MTPN: variants seen among roughly 807,000 people sequenced by gnomAD.
The protein encoded by MTPN is granule cell differentiation protein.
MTPN carries 2 observed loss-of-function variants against 13.5 expected under a neutral mutation model. The observed-to-expected ratio is 0.15, with a 90% CI of 0.06 to 0.47. The LOEUF (loss-of-function observed/expected upper bound fraction) is 0.47. MTPN is among the 20% of genes least tolerant of loss of function. The pLI, the probability that MTPN is intolerant of heterozygous loss-of-function variation, is 0.97. For missense variants in MTPN, 79 were observed against 137.9 expected (o/e 0.57, Z 2.14); for synonymous variants, 46 against 51.7 (o/e 0.89, Z 0.48).
intron 1 of MTPN, among the ~76,000 whole-genome samples, chr7:135,953,703 G>A (rs1029559116): frequency 6.6e-6 from 1 of 152,108 alleles, no homozygotes; most frequent in African/African-American, 2.4e-5. Context: ...AAGCATTAAG[G>A]GAACTAAATT....
At chr7:135,933,903 TAG>T (rs1249232268) in intron 3 of MTPN, among the ~76,000 whole-genome samples, 12 of 150,548 alleles carry the variant, frequency 8.0e-5, no homozygotes, top group Non-Finnish European at 1.5e-4. Context: ...TGTGATAGAG[TAG>T]AGTTCTCATG....
chr7:135,933,849 G>A (rs890237096), intron 3 of MTPN, among the ~76,000 whole-genome samples: 6 of 152,050 alleles, frequency 3.9e-5, no homozygotes, highest in Non-Finnish European at 7.4e-5. Flanking sequence ...CTGGATCACG[G>A]GTGCTAATGG....
At chr7:135,931,603 C>T (rs368584113) in intron 3 of MTPN, among the ~76,000 whole-genome samples, 4 of 152,110 alleles carry the variant, frequency 2.6e-5, no homozygotes, top group East Asian at 1.9e-4. Context: ...CTGTGAGTCC[C>T]GCCACAATGG....
intron 1 of MTPN, among the ~76,000 whole-genome samples, chr7:135,976,372 CTA>C (rs1799773197): frequency 6.6e-6 from 1 of 152,202 alleles, no homozygotes; most frequent in African/African-American, 2.4e-5. Context: ...TGTTTAAAAA[CTA>C]TTCAGATACC....
At chr7:135,942,105 T>G (rs982802882) in intron 3 of MTPN, among the ~76,000 whole-genome samples, 6 of 151,986 alleles carry the variant, frequency 3.9e-5, no homozygotes, top group Non-Finnish European at 7.4e-5. Flanking sequence ...GCCAGGCTGG[T>G]CTCGAACTCC....
intron 3 of MTPN, among the ~76,000 whole-genome samples, chr7:135,938,833 A>C (rs1389807036): frequency 6.6e-6 from 1 of 152,206 alleles, no homozygotes; most frequent in African/African-American, 2.4e-5. Context: ...CAATTAACCA[A>C]AACTTCAACA....
intron 1 of MTPN, among the ~76,000 whole-genome samples, chr7:135,967,585 A>G (rs957794052): frequency 6.6e-6 from 1 of 152,160 alleles, no homozygotes; most frequent in Admixed American, 6.5e-5. Flanking sequence ...CCTTATCTAT[A>G]AAATAAGGGA....
intron 1 of MTPN, among the ~76,000 whole-genome samples, chr7:135,968,288 T>C (rs1799636531): frequency 6.6e-6 from 1 of 152,154 alleles, no homozygotes; most frequent in African/African-American, 2.4e-5. Flanking sequence ...AGGTTACGCT[T>C]ATACATATTA....
intron 3 of MTPN, chr7:135,933,021 C>A (rs1268326205): frequency 7.2e-6 from 1 of 138,968 alleles, no homozygotes; most frequent in Non-Finnish European, 1.5e-5. Flanking sequence ...ACCCAGGAGG[C>A]GGAGGTTGCA....
Position 135,929,298 on chromosome 7 carries a change from A to C in MTPN, c.*628T>G, listed in dbSNP as rs1434375440. 1.2e-5 allele frequency: 2 copies of C among 167,064 alleles called. No individual in the cohort carries two copies. The highest frequency in any genetic ancestry group is 4.1e-4 in the South Asian group (2 of 4,826). 10.3% of individuals were successfully genotyped at this position (167,064 alleles called of 1,614,324 possible). On this transcript the variant is annotated 3_prime_UTR_variant, in exon 4 of 4. Transcript: ENST00000393085. ...ACATGAAATCCATGTGAAAGGGGAG[A>C]GAAAATCCAAAGTTCAGTCATCCAG...
At chr7:135,976,545 T>C (rs567538040) in intron 1 of MTPN, among the ~76,000 whole-genome samples, 5 of 152,234 alleles carry the variant, frequency 3.3e-5, no homozygotes, top group South Asian at 4.2e-4. Flanking sequence ...GGTACTCTTT[T>C]CACGGTCAAT....
At position 135,977,152 on chromosome 7, in the gene MTPN, C is replaced by CA; in HGVS notation, c.-53dup. The CA allele has an allele frequency of 1.3e-6, 2 of 1,591,754 alleles. No individual in the cohort carries two copies. Among genetic ancestry groups the CA allele is most frequent in the Non-Finnish European group, 1.7e-6 (2 of 1,160,902 alleles). ...CGGGCAGAAGATGAGGAGGCGGTGGCAGCAGCAAGCGGATGCCGCCGGGCG... is the reference window on the plus strand; with the variant it reads ...CGGGCAGAAGATGAGGAGGCGGTGGCAAGCAGCAAGCGGATGCCGCCGGGCG... On this transcript the variant is annotated 5_prime_UTR_variant, in exon 1 of 4. Transcript: ENST00000393085.
intron 1 of MTPN, among the ~76,000 whole-genome samples, chr7:135,971,491 G>A (rs1799693168): frequency 6.6e-6 from 1 of 152,114 alleles, no homozygotes; most frequent in Non-Finnish European, 1.5e-5. Context: ...AGAAATGAAG[G>A]TCAAGGGTAT....
At chr7:135,945,998 CTAATAAAAGTTAACTG>C (rs1296017932) in intron 3 of MTPN, among the ~76,000 whole-genome samples, 4 of 152,068 alleles carry the variant, frequency 2.6e-5, no homozygotes, top group Non-Finnish European at 5.9e-5. Context: ...CTATAACATG[CTAATAAAAGTTAACTG>C]TAATAAAAGT....
intron 1 of MTPN, among the ~76,000 whole-genome samples, chr7:135,960,064 T>C (rs1176385706): frequency 6.6e-6 from 1 of 152,138 alleles, no homozygotes; most frequent in East Asian, 1.9e-4. Flanking sequence ...TATAAAGTTT[T>C]GGGAACTGTG....
rs768194917 is a variant in MTPN, at chr7:135,969,759, C to G, written c.72+7270G>C. On this transcript the variant is annotated intron_variant, in intron 1 of 3. Transcript: ENST00000393085. ...TGTAGAATAAGAAAATAAATGAAGT[C>G]AAGAGATTAACTGGGAACGATATTT... Among the ~76,000 whole-genome samples, 58 of 152,010 alleles carry G rather than the reference C, an allele frequency of 3.8e-4. 1 individual carries two copies. The highest frequency in any genetic ancestry group is 6.5e-5 in the Admixed American group (1 of 15,268).
At chr7:135,972,212 C>T (rs779848564) in intron 1 of MTPN, among the ~76,000 whole-genome samples, 17 of 87,660 alleles carry the variant, frequency 1.9e-4, no homozygotes, top group Non-Finnish European at 2.4e-4. Context: ...AATACACACG[C>T]GCACACGCGC....
At chr7:135,950,809 C>T in intron 2 of MTPN, 127 bp from the exon 3 acceptor site, 1 of 736,596 alleles carries the variant, frequency 1.4e-6, no homozygotes, top group South Asian at 1.8e-5. Flanking sequence ...TCAATCAATC[C>T]ACAGAGTCAA....
At chr7:135,959,839 C>T (rs902801410) in intron 1 of MTPN, among the ~76,000 whole-genome samples, 1 of 151,202 alleles carries the variant, frequency 6.6e-6, no homozygotes, top group Non-Finnish European at 1.5e-5. Flanking sequence ...AATGGAACAT[C>T]TGTTTTTTTA....
Sources: allele counts gnomAD v4.1 joint callset (sites outside exome capture counted in the v4.1 genomes callset), GRCh38; gene constraint gnomAD v4.1.1; transcripts MANE v1.5; gene names NCBI Gene and HGNC (gene_info 2026-07-23, HGNC 2026-07-21).